The following SCN8A variants were observed in gnomAD, a reference collection of about 807,000 sequenced individuals.
SCN8A encodes the protein sodium channel protein type 8 subunit alpha.
Under a neutral mutation model 184.1 loss-of-function variants are expected in SCN8A, and 30 were observed. The observed-to-expected ratio is 0.16, with a 90% CI of 0.12 to 0.22. The LOEUF is 0.22. Among genes scored for constraint, SCN8A ranks in the 10% least tolerant of loss-of-function variants. The probability of loss-of-function intolerance (pLI) is 1.00; values close to 1 mark genes in which losing one functional copy is unlikely to be tolerated. For missense variants in SCN8A, 1,057 were observed against 2,498.9 expected (o/e 0.42, Z 12.30); for synonymous variants, 852 against 907.0 (o/e 0.94, Z 1.09).
chr12:51,776,833 C>CTGA (rs1330545313), intron 20 of SCN8A, among the ~76,000 whole-genome samples: 1 of 152,202 alleles, frequency 6.6e-6, no homozygotes, highest in Non-Finnish European at 1.5e-5. Flanking sequence ...TGTTACTCAT[C>CTGA]GCATTTGTTT....
intron 11 of SCN8A, among the ~76,000 whole-genome samples, chr12:51,715,111 C>T (rs1002534955): frequency 1.3e-5 from 2 of 152,174 alleles, no homozygotes; most frequent in Non-Finnish European, 1.5e-5. Context: ...ATCCTGGGTA[C>T]AAGGAGAAAT....
chr12:51,684,692 T>C (rs1203842899), intron 3 of SCN8A, among the ~76,000 whole-genome samples: 1 of 152,208 alleles, frequency 6.6e-6, no homozygotes, highest in Non-Finnish European at 1.5e-5. Flanking sequence ...GGATGAATGC[T>C]TTAGAAATCA....
intron 21 of SCN8A, among the ~76,000 whole-genome samples, chr12:51,781,661 C>T (rs149883328): frequency 8.5e-4 from 129 of 151,940 alleles, no homozygotes; most frequent in African/African-American, 2.8e-3. Context: ...CGCACGCACG[C>T]GCACACACAC....
At chr12:51,665,027 C>T (rs918501789) in intron 2 of SCN8A, among the ~76,000 whole-genome samples, 2 of 152,198 alleles carry the variant, frequency 1.3e-5, no homozygotes, top group Non-Finnish European at 2.9e-5. Context: ...ATAATGGCTT[C>T]CAGCACCATC....
chr12:51,788,919 C>T (rs1365141976), intron 23 of SCN8A, among the ~76,000 whole-genome samples, 171 bp downstream of exon 23: 1 of 152,096 alleles, frequency 6.6e-6, no homozygotes, highest in Non-Finnish European at 1.5e-5. Context: ...TTCCTCGTCT[C>T]AGTAAGTCAT....
At chr12:51,801,841 C>T (rs565849998) in intron 26 of SCN8A, among the ~76,000 whole-genome samples, 28 of 152,144 alleles carry the variant, frequency 1.8e-4, no homozygotes, top group African/African-American at 4.6e-4. Context: ...GATCACTTGA[C>T]GTCAGGAGTT....
At chr12:51,621,264 G>C (rs1448024754) in intron 1 of SCN8A, among the ~76,000 whole-genome samples, 1 of 152,136 alleles carries the variant, frequency 6.6e-6, no homozygotes, top group Non-Finnish European at 1.5e-5. Flanking sequence ...GAGCAAGTGT[G>C]GCTCTTGCCA....
intron 10 of SCN8A, 100 bp downstream of exon 10, chr12:51,705,723 C>T: frequency 2.9e-6 from 3 of 1,031,138 alleles, no homozygotes; most frequent in Non-Finnish European, 4.2e-6. Context: ...GGCATATTTT[C>T]AAATAGAGGC....
intron 1 of SCN8A, among the ~76,000 whole-genome samples, chr12:51,613,947 G>A (rs1939777419): frequency 1.3e-5 from 2 of 152,070 alleles, no homozygotes; most frequent in Non-Finnish European, 2.9e-5. Context: ...CAATTTGTTA[G>A]GGTTTGTTTT....
intron 12 of SCN8A, among the ~76,000 whole-genome samples, chr12:51,726,079 ATCACT>A (rs1422255564): frequency 1.3e-5 from 2 of 152,242 alleles, no homozygotes; most frequent in African/African-American, 4.8e-5. Flanking sequence ...ACATTCAGAC[ATCACT>A]TCATTAGTCT....
intron 19 of SCN8A, among the ~76,000 whole-genome samples, chr12:51,773,802 T>G (rs1350755543): frequency 1.3e-5 from 2 of 152,078 alleles, no homozygotes; most frequent in Non-Finnish European, 2.9e-5. Context: ...GGACTATTAC[T>G]CAGCCGTAAG....
intron 19 of SCN8A, among the ~76,000 whole-genome samples, 152 bp from the exon 20 acceptor site, chr12:51,774,037 T>C (rs1240800180): frequency 6.6e-6 from 1 of 152,174 alleles, no homozygotes; most frequent in Admixed American, 6.5e-5. Flanking sequence ...TATTAAAACA[T>C]AAAAAGCCTG....
chr12:51,743,698 G>C (rs1208813309), intron 12 of SCN8A, among the ~76,000 whole-genome samples: 1 of 152,166 alleles, frequency 6.6e-6, no homozygotes, highest in Non-Finnish European at 1.5e-5. Flanking sequence ...GTTCACTCAG[G>C]GCCCTAGGGC....
chr12:51,685,488 A>G (rs1592378461), intron 3 of SCN8A, among the ~76,000 whole-genome samples: 1 of 152,272 alleles, frequency 6.6e-6, no homozygotes, highest in South Asian at 2.1e-4. Context: ...TTTTTCTCAG[A>G]GATAAGAACA....
intron 1 of SCN8A, among the ~76,000 whole-genome samples, chr12:51,651,863 A>T (rs1940721889): frequency 6.6e-6 from 1 of 152,216 alleles, no homozygotes. Context: ...GGGAAGAAAG[A>T]AGCAGCTGAC....
intron 12 of SCN8A, among the ~76,000 whole-genome samples, chr12:51,738,595 C>T (rs956597675): frequency 3.3e-5 from 5 of 152,314 alleles, no homozygotes; most frequent in East Asian, 1.9e-4. Context: ...TCCTCCTGTT[C>T]GTTTAATTTC....
chr12:51,679,269 T>C (rs554947284), intron 2 of SCN8A, among the ~76,000 whole-genome samples: 2 of 151,812 alleles, frequency 1.3e-5, no homozygotes, highest in East Asian at 3.9e-4. Flanking sequence ...TAAGACAAAA[T>C]AGAAAGCTAG....
At chr12:51,610,300 A>G (rs1250673414) in intron 1 of SCN8A, among the ~76,000 whole-genome samples, 1 of 152,010 alleles carries the variant, frequency 6.6e-6, no homozygotes, top group African/African-American at 2.4e-5. Context: ...GAGTCTCCTG[A>G]AGGCAGCAGA....
In SCN8A at chr12:51,806,126, C is replaced by T. The variant is rs1342175576; in HGVS notation, c.4796-156C>T. On this transcript the variant is annotated intron_variant, in intron 26 of 26. Transcript: ENST00000627620. The surrounding 1 kb of genome is among the most constrained non-coding windows in gnomAD (Gnocchi z 8.7). ...TACAGGCGTGAGCCCCCATGCCCAG[C>T]CAAAATGTCACTTTTTGAGAGTTCA... Among the ~76,000 whole-genome samples, 1 of 152,164 alleles carries T rather than the reference C, an allele frequency of 6.6e-6. No individual in the cohort carries two copies. Among genetic ancestry groups the T allele is most frequent in the Non-Finnish European group, 1.5e-5 (1 of 68,026 alleles).
Sources: allele counts gnomAD v4.1 joint callset (sites outside exome capture counted in the v4.1 genomes callset), GRCh38; gene constraint gnomAD v4.1.1; non-coding constraint Gnocchi (gnomAD v3.1); transcripts MANE v1.5; gene names NCBI Gene and HGNC (gene_info 2026-07-23, HGNC 2026-07-21).